CD160: variants seen among roughly 807,000 people sequenced by gnomAD.
CD160 encodes CD160 antigen.
CD160 carries 11 observed loss-of-function variants against 19.2 expected under a neutral mutation model. That is an observed-to-expected ratio of 0.57 (90% confidence interval 0.36 to 0.95). The LOEUF is 0.95. CD160 is among the 40% of genes least tolerant of loss of function. CD160 has a pLI of 0.01. For missense variants in CD160, 182 were observed against 213.2 expected, an observed-to-expected ratio of 0.85 and a Z score of 0.91; for synonymous variants, 75 against 81.1, an observed-to-expected ratio of 0.93 and a Z score of 0.40.
At chr1:145,732,842 T>C (rs1261074739) in intron 4 of CD160, among the ~76,000 whole-genome samples, 2 of 152,230 alleles carry the variant, frequency 1.3e-5, no homozygotes, top group Non-Finnish European at 2.9e-5. Flanking sequence ...CAATTATTTT[T>C]AGAAGAATGC....
At chr1:145,724,029 C>T (rs782175963) in intron 1 of CD160, among the ~76,000 whole-genome samples, 48 of 152,068 alleles carry the variant, frequency 3.2e-4, no homozygotes, top group Non-Finnish European at 5.9e-4. Context: ...AATGAGTATT[C>T]CCCCAAAGCT....
chr1:145,721,406 C>T (rs1553707777), intron 1 of CD160, among the ~76,000 whole-genome samples: 1 of 152,174 alleles, frequency 6.6e-6, no homozygotes. Context: ...TGCTCCCCTC[C>T]CGGGCACCAA....
Position 145,736,019 on chromosome 1 carries a change from G to A in CD160, c.423G>A (p.Thr141=), listed in dbSNP as rs782075631. The change falls in exon 5 of 6, where the codon ACG becomes ACA. Residue 141 remains threonine, a synonymous_variant. Transcript: ENST00000369288. The part of the protein sequence containing the change: ...LFTETGNYTV[T]GLKQRQHLEF... The stretch of plus-strand genomic sequence containing the variant: ...CAGAGACAGGGAACTACACAGTGAC[G>A]GGATTGAAACAAAGACAACACCTTG... The A allele has an allele frequency of 1.1e-5, 18 of 1,613,154 alleles. No homozygotes were observed. Among genetic ancestry groups the A allele is most frequent in the African/African-American group, 1.3e-5 (1 of 74,898 alleles).
At chr1:145,736,380 C>T (rs587664965) in intron 5 of CD160, 1 of 1,107,548 alleles carries the variant, frequency 9.0e-7, no homozygotes, top group South Asian at 1.6e-5. Flanking sequence ...GAATGAAGGC[C>T]TGTGAGAGAG....
At chr1:145,736,198 G>T in intron 5 of CD160, 64 bp downstream of exon 5, 1 of 1,610,454 alleles carries the variant, frequency 6.2e-7, no homozygotes, top group East Asian at 2.2e-5. Flanking sequence ...CTGCCACCTT[G>T]GTTATTCTCC....
chr1:145,730,398 G>A (rs587766638), intron 3 of CD160, among the ~76,000 whole-genome samples: 8 of 152,278 alleles, frequency 5.3e-5, no homozygotes, highest in African/African-American at 1.7e-4. Context: ...TAGGGCTCAC[G>A]TCCTAGTCCT....
At chr1:145,730,019 T>G (rs1430948757) in intron 3 of CD160, among the ~76,000 whole-genome samples, 1 of 152,212 alleles carries the variant, frequency 6.6e-6, no homozygotes, top group East Asian at 1.9e-4. Context: ...TGTTTTTACA[T>G]TAGGCTTTAA....
intron 2 of CD160, among the ~76,000 whole-genome samples, chr1:145,727,121 G>C (rs587747294): frequency 1.3e-5 from 2 of 151,948 alleles, no homozygotes; most frequent in African/African-American, 4.8e-5. Context: ...CACTTCAAAA[G>C]TTATAAACTA....
chr1:145,725,518 T>C (rs1237420353), intron 2 of CD160, among the ~76,000 whole-genome samples: 2 of 152,188 alleles, frequency 1.3e-5, no homozygotes, highest in Non-Finnish European at 2.9e-5. Flanking sequence ...CAAAGATGTA[T>C]CAATTTTAGG....
At chr1:145,730,704 G>A in intron 3 of CD160, 40 bp from the exon 4 acceptor site, 2 of 1,542,150 alleles carry the variant, frequency 1.3e-6, no homozygotes, top group South Asian at 1.1e-5. Context: ...TTCACAGAAT[G>A]CTACCTGACC....
At chr1:145,729,835 G>A (rs782758655) in intron 3 of CD160, among the ~76,000 whole-genome samples, 1 of 152,006 alleles carries the variant, frequency 6.6e-6, no homozygotes, top group Non-Finnish European at 1.5e-5. Context: ...AATCATCTCT[G>A]GTATTTCTGT....
At chr1:145,735,571 C>T (rs1657449446) in intron 4 of CD160, among the ~76,000 whole-genome samples, 1 of 152,008 alleles carries the variant, frequency 6.6e-6, no homozygotes, top group Non-Finnish European at 1.5e-5. Flanking sequence ...GATGACAGAG[C>T]AAGACCCTGT....
At chr1:145,727,818 C>T (rs1657112155) in intron 2 of CD160, among the ~76,000 whole-genome samples, 1 of 152,098 alleles carries the variant, frequency 6.6e-6, no homozygotes, top group Non-Finnish European at 1.5e-5. Context: ...CAACATAAAG[C>T]AGGTCTAATT....
chr1:145,738,500 T>C lies in CD160; in HGVS notation c.*7T>C. The C allele has an allele frequency of 7.6e-7, 1 of 1,323,436 alleles. No individual in the cohort carries two copies. Among genetic ancestry groups the C allele is most frequent in the Non-Finnish European group, 9.8e-7 (1 of 1,025,604 alleles). 82.0% of individuals were successfully genotyped at this position (1,323,436 alleles called of 1,614,324 possible). ...TCTTTCCACAGCTTTGTAAGCCTTG[T>C]GCCAAAAGAAACTTTTAAAACAGCT... On this transcript the variant is annotated 3_prime_UTR_variant, in exon 6 of 6. Coordinates refer to ENST00000369288, the MANE Select transcript of CD160 (RefSeq NM_007053.4).
intron 4 of CD160, among the ~76,000 whole-genome samples, chr1:145,735,335 C>G (rs374890978): frequency 9.9e-5 from 15 of 152,214 alleles, no homozygotes; most frequent in East Asian, 9.7e-4. Context: ...CCTGTAACCC[C>G]AGCACTTAGG....
intron 4 of CD160, among the ~76,000 whole-genome samples, chr1:145,733,183 G>A (rs1405637399): frequency 1.3e-5 from 2 of 151,972 alleles, no homozygotes; most frequent in African/African-American, 2.4e-5. Flanking sequence ...GTCCGGGCTG[G>A]AGAGCAGTGG....
In CD160 at chr1:145,730,860, A is replaced by G. The variant is rs1383654467; in HGVS notation, c.190A>G (p.Arg64Gly). Residue 64 changes from arginine to glycine, a missense_variant, in exon 4 of 6, where the codon AGG (arginine) becomes GGG (glycine). Transcript: ENST00000369288. ...GTTTGTAGTGTTTTTGTGCAAGGAC[A>G]GGTCTGGAGACTGTTCTCCTGAGAC... The part of the protein sequence containing the change: ...EGFVVFLCKD[R>G]SGDCSPETSL... 6.2e-7 allele frequency: 1 copy of G among 1,614,092 alleles called. No individual in the cohort carries two copies. Among genetic ancestry groups the G allele is most frequent in the Non-Finnish European group, 8.5e-7 (1 of 1,179,964 alleles).
chr1:145,734,246 C>G (rs186929520), intron 4 of CD160, among the ~76,000 whole-genome samples: 1 of 152,224 alleles, frequency 6.6e-6, no homozygotes, highest in Admixed American at 6.5e-5. Flanking sequence ...GCAACTGTGC[C>G]CTAGTCACCT....
chr1:145,720,375 G>T (rs1656781788), intron 1 of CD160, among the ~76,000 whole-genome samples: 1 of 152,154 alleles, frequency 6.6e-6, no homozygotes, highest in Admixed American at 6.5e-5. Context: ...CCACCAAAGA[G>T]GTCCATGGCG....
Sources: gnomAD v4.1 joint callset for allele counts (sites outside exome capture counted in the v4.1 genomes callset) on GRCh38, gnomAD v4.1.1 for gene constraint, MANE v1.5 for transcripts, NCBI Gene and HGNC (gene_info 2026-07-23, HGNC 2026-07-21) for gene names.